The following ZBTB20 variants were observed in gnomAD, a reference collection of about 807,000 sequenced individuals.
ZBTB20 encodes zinc finger and BTB domain containing 20.
ZBTB20 carries 9 observed loss-of-function variants against 56.9 expected under a neutral mutation model. The ratio of observed to expected loss-of-function variants is 0.16; its 90% CI spans 0.10 to 0.28. The LOEUF (loss-of-function observed/expected upper bound fraction) is 0.28. ZBTB20 is among the 10% of genes least tolerant of loss of function. ZBTB20 has a pLI of 1.00. For missense variants in ZBTB20, 655 were observed against 1,003.0 expected (o/e 0.65, Z 4.69); for synonymous variants, 417 against 420.7 (o/e 0.99, Z 0.11).
chr3:114,622,243 T>C (rs2058371123), intron 6 of ZBTB20, among the ~76,000 whole-genome samples: 1 of 151,946 alleles, frequency 6.6e-6, no homozygotes, highest in African/African-American at 2.4e-5. Context: ...GTCTTGGTGG[T>C]AATGGCCTAA....
chr3:114,870,160 T>C (rs1176903802), intron 4 of ZBTB20, among the ~76,000 whole-genome samples: 1 of 152,160 alleles, frequency 6.6e-6, no homozygotes, highest in African/African-American at 2.4e-5. Context: ...CTGGATATTG[T>C]CTTACTTGCT....
chr3:114,796,169 G>A (rs1023745125), intron 5 of ZBTB20, among the ~76,000 whole-genome samples: 2 of 151,934 alleles, frequency 1.3e-5, no homozygotes, highest in African/African-American at 2.4e-5. Context: ...GATAGTTAGG[G>A]GAGAGTGGAT....
At chr3:114,818,604 A>G (rs1428083413) in intron 4 of ZBTB20, among the ~76,000 whole-genome samples, 1 of 152,034 alleles carries the variant, frequency 6.6e-6, no homozygotes, top group African/African-American at 2.4e-5. Context: ...TTTACCAGAA[A>G]AAAAAGATTA....
chr3:114,437,420 T>C (rs1306276803), intron 7 of ZBTB20, among the ~76,000 whole-genome samples: 14 of 152,088 alleles, frequency 9.2e-5, no homozygotes, highest in Admixed American at 9.2e-4. Flanking sequence ...TATCTCTCCA[T>C]CAGATCCCTT....
chr3:114,547,927 G>C (rs1277585535), intron 6 of ZBTB20, among the ~76,000 whole-genome samples: 1 of 152,142 alleles, frequency 6.6e-6, no homozygotes, highest in East Asian at 1.9e-4. Flanking sequence ...TGACATAACA[G>C]TGCTTTCATT....
intron 5 of ZBTB20, among the ~76,000 whole-genome samples, chr3:114,783,588 G>A (rs952075322): frequency 2.0e-5 from 3 of 152,028 alleles, no homozygotes; most frequent in Admixed American, 2.0e-4. Context: ...GAGGTCACGA[G>A]ATCGAGACCA....
chr3:114,555,772 C>G (rs1014425653), intron 6 of ZBTB20, among the ~76,000 whole-genome samples: 2 of 152,080 alleles, frequency 1.3e-5, no homozygotes, highest in Non-Finnish European at 2.9e-5. Flanking sequence ...GTATGTGCAT[C>G]ATGAAAGATC....
chr3:114,729,350 T>C (rs2065551672), intron 5 of ZBTB20, among the ~76,000 whole-genome samples: 1 of 152,246 alleles, frequency 6.6e-6, no homozygotes. Flanking sequence ...TTTCCATTAA[T>C]TGTTATGAAT....
At chr3:114,614,737 TTTTG>T (rs141944007) in intron 6 of ZBTB20, among the ~76,000 whole-genome samples, 62,998 of 150,632 alleles carry the variant, frequency 0.42, 15,982 homozygotes, top group East Asian at 0.76. Context: ...TGGCCACTTT[TTTTG>T]TTTGTTTGTT....
chr3:114,488,920 G>T (rs2042433148), intron 7 of ZBTB20, among the ~76,000 whole-genome samples: 1 of 151,988 alleles, frequency 6.6e-6, no homozygotes, highest in Non-Finnish European at 1.5e-5. Flanking sequence ...CATGGTAAAT[G>T]ACTATTACAA....
chr3:114,822,558 AC>A (rs2073313575), intron 4 of ZBTB20, among the ~76,000 whole-genome samples: 1 of 152,118 alleles, frequency 6.6e-6, no homozygotes. Context: ...GTCTCTGGAC[AC>A]ATCAAAAATA....
At chr3:114,454,004 T>C (rs1161076401) in intron 7 of ZBTB20, among the ~76,000 whole-genome samples, 2 of 122,556 alleles carry the variant, frequency 1.6e-5, no homozygotes, top group South Asian at 2.8e-4. Flanking sequence ...AGCTACTCCC[T>C]GAAACAAGTG....
chr3:114,985,120 T>C (rs770354391), intron 2 of ZBTB20, among the ~76,000 whole-genome samples: 3 of 152,108 alleles, frequency 2.0e-5, no homozygotes, highest in Non-Finnish European at 4.4e-5. Flanking sequence ...GCAACTATTT[T>C]ACTTATTTAT....
chr3:114,670,021 T>C (rs1221838933), intron 6 of ZBTB20, among the ~76,000 whole-genome samples: 1 of 152,112 alleles, frequency 6.6e-6, no homozygotes, highest in Non-Finnish European at 1.5e-5. Context: ...AGAATTATTA[T>C]GAATACAGCT....
At chr3:114,786,132 CT>C (rs906972472) in intron 5 of ZBTB20, among the ~76,000 whole-genome samples, 4 of 151,128 alleles carry the variant, frequency 2.6e-5, no homozygotes, top group Non-Finnish European at 5.9e-5. Context: ...AACACCATTT[CT>C]TTTTTTTTCT....
At chr3:114,382,767 G>A (rs2084545508) in intron 8 of ZBTB20, among the ~76,000 whole-genome samples, 1 of 152,118 alleles carries the variant, frequency 6.6e-6, no homozygotes, top group African/African-American at 2.4e-5. Flanking sequence ...CTCTCTGAAG[G>A]TAAGGAAATG....
At chr3:115,142,973 T>C (rs955287993) in intron 1 of ZBTB20, among the ~76,000 whole-genome samples, 11 of 152,134 alleles carry the variant, frequency 7.2e-5, no homozygotes, top group Non-Finnish European at 1.2e-4. Context: ...ACTAAACTTG[T>C]ATTTGGCTAA....
chr3:114,640,930 T>C (rs910657853), intron 6 of ZBTB20, among the ~76,000 whole-genome samples: 1 of 152,006 alleles, frequency 6.6e-6, no homozygotes, highest in African/African-American at 2.4e-5. Context: ...CCCTTAAGAT[T>C]TGTGGTGGAG....
intron 6 of ZBTB20, among the ~76,000 whole-genome samples, chr3:114,519,336 G>C (rs980311810): frequency 6.6e-6 from 1 of 151,614 alleles, no homozygotes; most frequent in African/African-American, 2.4e-5. Context: ...TGTATCTGCA[G>C]GAAAAAAAAA....
Sources: allele counts gnomAD v4.1 joint callset (sites outside exome capture counted in the v4.1 genomes callset), GRCh38; gene constraint gnomAD v4.1.1; transcripts MANE v1.5; gene names NCBI Gene and HGNC (gene_info 2026-07-23, HGNC 2026-07-21).